The following ADGRG2 variants were observed in gnomAD, a reference collection of about 807,000 sequenced individuals.
The protein encoded by ADGRG2 is adhesion G protein-coupled receptor G2.
ADGRG2 carries 26 observed loss-of-function variants against 74.1 expected under a neutral mutation model. The ratio of observed to expected loss-of-function variants is 0.35; its 90% confidence interval spans 0.26 to 0.49. The LOEUF is 0.49. Ranked by LOEUF, ADGRG2 falls within the 20% of genes least tolerant of loss-of-function variation. The probability of loss-of-function intolerance (pLI) is 0.99; values close to 1 mark genes in which losing one functional copy is unlikely to be tolerated. For missense variants in ADGRG2, 619 were observed against 763.1 expected, an observed-to-expected ratio of 0.81 and a Z score of 2.22; for synonymous variants, 296 against 295.2, an observed-to-expected ratio of 1.00 and a Z score of -0.03.
At chrX:19,000,714 A>G (rs1425991812) in intron 24 of ADGRG2, among the ~76,000 whole-genome samples, 1 of 109,592 alleles carries the variant, frequency 9.1e-6, no homozygotes, top group African/African-American at 3.3e-5. Flanking sequence ...TGAATCTGTT[A>G]CAGCTGCCAG....
chrX:19,072,801 TG>T (rs1460857183), intron 2 of ADGRG2, among the ~76,000 whole-genome samples: 1 of 111,007 alleles, frequency 9.0e-6, no homozygotes, highest in Non-Finnish European at 1.9e-5. Context: ...AGAAGTTTTA[TG>T]GTATTTGAAA....
chrX:19,009,549 G>A, intron 18 of ADGRG2, 77 bp downstream of exon 18: 1 of 900,139 alleles, frequency 1.1e-6, no homozygotes, highest in Non-Finnish European at 1.6e-6. Flanking sequence ...AGCAGTAATT[G>A]CCTCAATCAT....
rs370574492 is a variant in ADGRG2, at chrX:19,027,205, G to A, written c.470+14C>T. On this transcript the variant is annotated intron_variant, in intron 11 of 28. Transcript: ENST00000379869. ...TGATGTCTGCAGTTTCAAATCAAACGGCAGATTACTCACTTTAATTCACTT... is the reference window on the plus strand; with the variant it reads ...TGATGTCTGCAGTTTCAAATCAAACAGCAGATTACTCACTTTAATTCACTT... The A allele has an allele frequency of 1.9e-5, 20 of 1,072,835 alleles. No individual in the cohort carries two copies. The highest frequency in any genetic ancestry group is 2.5e-4 in the Middle Eastern group (1 of 4,049). The allele number at this position is 1,072,835 out of a possible 1,213,427, so 88.4% of individuals were successfully genotyped here.
At chrX:19,122,088 G>T (rs1447135784) in intron 1 of ADGRG2, among the ~76,000 whole-genome samples, 1 of 112,445 alleles carries the variant, frequency 8.9e-6, no homozygotes, top group Non-Finnish European at 1.9e-5. Flanking sequence ...CACACCACCC[G>T]CGCGAGTCAG....
At chrX:19,028,533 C>T (rs1014548970) in intron 9 of ADGRG2, among the ~76,000 whole-genome samples, 7 of 111,191 alleles carry the variant, frequency 6.3e-5, no homozygotes, top group African/African-American at 1.6e-4. Context: ...AACAGAAAGA[C>T]GTGGTGTGCA....
intron 3 of ADGRG2, among the ~76,000 whole-genome samples, chrX:19,041,111 C>T (rs942700535): frequency 9.0e-6 from 1 of 111,136 alleles, no homozygotes; most frequent in Non-Finnish European, 1.9e-5. Flanking sequence ...ATATCATGAA[C>T]GTCATTCTAT....
chrX:19,100,652 C>T (rs779521727), intron 1 of ADGRG2, among the ~76,000 whole-genome samples: 1 of 113,559 alleles, frequency 8.8e-6, no homozygotes, highest in African/African-American at 3.2e-5. Context: ...GCTTCTTTGC[C>T]GAAGGCAGAA....
intron 1 of ADGRG2, among the ~76,000 whole-genome samples, chrX:19,118,811 T>C (rs1000536315): frequency 8.9e-6 from 1 of 112,533 alleles, no homozygotes; most frequent in African/African-American, 3.2e-5. Context: ...TTATTCATAA[T>C]CATCAATAGT....
chrX:19,097,349 T>A (rs1271569443), intron 1 of ADGRG2, among the ~76,000 whole-genome samples: 12 of 111,942 alleles, frequency 1.1e-4, no homozygotes, highest in African/African-American at 3.6e-4. Context: ...CCATCTCTAC[T>A]AAAATACAAA....
At chrX:18,996,001 T>A (rs1462813521) in intron 27 of ADGRG2, 50 bp downstream of exon 27, 4 of 648,476 alleles carry the variant, frequency 6.2e-6, no homozygotes, top group Non-Finnish European at 1.0e-5. Flanking sequence ...ATTTATACAA[T>A]CTTTTCCTTG....
intron 1 of ADGRG2, among the ~76,000 whole-genome samples, chrX:19,117,929 T>C (rs2062550765): frequency 9.2e-6 from 1 of 109,198 alleles, no homozygotes; most frequent in Non-Finnish European, 1.9e-5. Context: ...CTAAACCTCT[T>C]AGGCTTTCAA....
intron 6 of ADGRG2, 54 bp from the exon 7 acceptor site, chrX:19,036,031 T>G: frequency 1.7e-6 from 1 of 589,480 alleles, no homozygotes; most frequent in South Asian, 3.2e-5. Flanking sequence ...TACAAACATG[T>G]GTGTCTTCCT....
Position 19,020,234 on chromosome X carries a change from C to T in ADGRG2, c.644-569G>A, listed in dbSNP as rs146551733. On this transcript the variant is annotated intron_variant, in intron 14 of 28. Coordinates refer to ENST00000379869, the MANE Select transcript of ADGRG2 (RefSeq NM_001079858.3). ...GAGAGTAGACCTTAAATGTTCTTACCACAAAAAATGATAGGTATGTGAGGT... is the reference window on the plus strand; with the variant it reads ...GAGAGTAGACCTTAAATGTTCTTACTACAAAAAATGATAGGTATGTGAGGT... Among the ~76,000 whole-genome samples the T allele has an allele frequency of 7.2e-3, 797 of 111,329 alleles. 1 individual carries two copies. Among genetic ancestry groups the T allele is most frequent in the Middle Eastern group, 0.018 (4 of 217 alleles).
chrX:19,057,712 T>A (rs964539921), intron 3 of ADGRG2, among the ~76,000 whole-genome samples: 1 of 110,710 alleles, frequency 9.0e-6, no homozygotes, highest in African/African-American at 3.3e-5. Context: ...TGGTGGTGCA[T>A]GCCTATAGTC....
chrX:19,083,170 ATTTTTT>A (rs58522004), intron 1 of ADGRG2, among the ~76,000 whole-genome samples: 2,400 of 83,144 alleles, frequency 0.029, 58 homozygotes, highest in African/African-American at 0.083. Context: ...CACCCGGCTA[ATTTTTT>A]TTTTTTTTTT....
chrX:19,117,943 G>GAAAAA (rs369024078), intron 1 of ADGRG2, among the ~76,000 whole-genome samples: 2 of 97,906 alleles, frequency 2.0e-5, no homozygotes, highest in African/African-American at 7.3e-5. Context: ...CTTTCAATGG[G>GAAAAA]AAAAAAAAAA....
chrX:19,068,311 C>T (rs2061598532), intron 3 of ADGRG2, among the ~76,000 whole-genome samples: 1 of 112,215 alleles, frequency 8.9e-6, no homozygotes, highest in Admixed American at 9.5e-5. Flanking sequence ...CTGATACATG[C>T]TGCAACATGG....
chrX:19,027,944 A>G (rs925616076), intron 10 of ADGRG2, among the ~76,000 whole-genome samples: 11 of 112,591 alleles, frequency 9.8e-5, no homozygotes, highest in Non-Finnish European at 2.1e-4. Flanking sequence ...TCACCTTAAC[A>G]TTCTTATTCA....
rs1297714207 is a variant in ADGRG2 at position 19,015,923 on chromosome X, G to A, written c.711-1849C>T. Among the ~76,000 whole-genome samples, 6 of 112,224 alleles carry A rather than the reference G, an allele frequency of 5.3e-5. No individual in the cohort carries two copies. In the East Asian group the frequency reaches 8.4e-4, roughly 16 times the overall value. ...TATCTGGGGGCCTTCAGAAGGCCCC[G>A]TTCACTGGGCTCAACTGTGAAGAGG... is the stretch of plus-strand genomic sequence containing the variant. On this transcript the variant is annotated intron_variant, in intron 15 of 28. Coordinates refer to ENST00000379869, the MANE Select transcript of ADGRG2 (RefSeq NM_001079858.3).
Sources: allele counts gnomAD v4.1 joint callset (sites outside exome capture counted in the v4.1 genomes callset), GRCh38; gene constraint gnomAD v4.1.1; transcripts MANE v1.5; gene names NCBI Gene and HGNC (gene_info 2026-07-23, HGNC 2026-07-21).